EYS: variants seen among roughly 807,000 people sequenced by gnomAD.
EYS encodes protein eyes shut homolog.
In EYS, 250 loss-of-function variants were observed where a neutral mutation model predicts 282.1. The ratio of observed to expected loss-of-function variants is 0.89; its 90% CI spans 0.80 to 0.98. The LOEUF is 0.98. Ranked by LOEUF, EYS falls within the 50% of genes least tolerant of loss-of-function variation. The pLI is 0.00. For synonymous variants in EYS, 1,355 were observed against 1,282.9 expected (o/e 1.06, Z -1.20); for missense variants, 4,016 against 3,709.0 (o/e 1.08, Z -2.15).
intron 12 of EYS, among the ~76,000 whole-genome samples, chr6:65,058,839 C>A (rs776396310): frequency 7.9e-5 from 11 of 138,608 alleles, no homozygotes; most frequent in Non-Finnish European, 1.3e-4. Flanking sequence ...AATTTTCTTA[C>A]CAATTTATAA....
At chr6:65,604,847 T>TCCC (rs1562283148) in intron 2 of EYS, among the ~76,000 whole-genome samples, 25 of 148,616 alleles carry the variant, frequency 1.7e-4, no homozygotes, top group African/African-American at 5.9e-4. Flanking sequence ...GCCCCCTTTT[T>TCCC]TTTTTTTTTT....
intron 36 of EYS, among the ~76,000 whole-genome samples, chr6:63,834,556 G>A (rs1016585585): frequency 1.3e-5 from 2 of 151,100 alleles, no homozygotes; most frequent in East Asian, 3.9e-4. Flanking sequence ...GGAAACAACA[G>A]ATGCTGGAGA....
At chr6:63,760,614 T>G (rs1025584757) in intron 41 of EYS, among the ~76,000 whole-genome samples, 2 of 151,854 alleles carry the variant, frequency 1.3e-5, no homozygotes, top group Non-Finnish European at 2.9e-5. Context: ...CTCTGACTAT[T>G]CCAATATCTA....
intron 30 of EYS, among the ~76,000 whole-genome samples, chr6:64,286,945 G>A (rs1768525212): frequency 6.6e-6 from 1 of 151,792 alleles, no homozygotes; most frequent in African/African-American, 2.4e-5. Flanking sequence ...TAATATATCT[G>A]GTACAATAAT....
chr6:64,147,590 T>C (rs1261549241), intron 31 of EYS, among the ~76,000 whole-genome samples: 1 of 152,198 alleles, frequency 6.6e-6, no homozygotes, highest in Non-Finnish European at 1.5e-5. Flanking sequence ...CTAATGGCTA[T>C]GTTAGATAAT....
intron 22 of EYS, among the ~76,000 whole-genome samples, chr6:64,805,306 T>C (rs1764390939): frequency 6.6e-6 from 1 of 151,986 alleles, no homozygotes; most frequent in Admixed American, 6.6e-5. Context: ...GCAAACACTA[T>C]TTGTGTTTGA....
chr6:64,559,987 C>G (rs1452239854), intron 26 of EYS, among the ~76,000 whole-genome samples: 1 of 152,072 alleles, frequency 6.6e-6, no homozygotes. Context: ...ATCTAGCTCC[C>G]ACTTATAAGT....
At chr6:63,899,277 C>T (rs1210409830) in intron 35 of EYS, among the ~76,000 whole-genome samples, 1 of 152,090 alleles carries the variant, frequency 6.6e-6, no homozygotes, top group Non-Finnish European at 1.5e-5. Flanking sequence ...AAGTCTGTGG[C>T]TAGTTTTTTT....
At chr6:63,990,955 A>C (rs1198797237) in intron 34 of EYS, among the ~76,000 whole-genome samples, 2 of 151,620 alleles carry the variant, frequency 1.3e-5, no homozygotes, top group African/African-American at 2.4e-5. Flanking sequence ...GCTTTTCAGA[A>C]TGTTACAAGA....
intron 22 of EYS, among the ~76,000 whole-genome samples, chr6:64,704,834 C>T (rs370526795): frequency 6.6e-6 from 1 of 151,964 alleles, no homozygotes; most frequent in Admixed American, 6.6e-5. Flanking sequence ...AACTGTAATG[C>T]CATAAAACCA....
At position 65,330,559 on chromosome 6, in the gene EYS, C is replaced by A. The variant is rs1769758139; in HGVS notation, c.1766+4421G>T. 1.0e-5 allele frequency: 10 copies of A among 982,442 alleles called. No homozygotes were observed. The South Asian group carries it at 4.7e-4, about 46-fold the overall frequency. 60.9% of individuals were successfully genotyped at this position (982,442 alleles called of 1,614,324 possible). On this transcript the variant is annotated intron_variant, in intron 11 of 42. Transcript: ENST00000503581. Reference sequence around the variant, plus strand: ...GCAAAAAAATGTGGTAATATGCAGACCTGTTTGCAATACATCATTTATATA... The same window carrying A: ...GCAAAAAAATGTGGTAATATGCAGAACTGTTTGCAATACATCATTTATATA...
At chr6:65,129,014 A>G (rs1313551404) in intron 12 of EYS, among the ~76,000 whole-genome samples, 7 of 152,008 alleles carry the variant, frequency 4.6e-5, no homozygotes, top group Non-Finnish European at 1.5e-5. Context: ...TCATACAGCT[A>G]CAACCATTTC....
intron 14 of EYS, among the ~76,000 whole-genome samples, chr6:64,956,116 A>C (rs1769694397): frequency 1.3e-5 from 2 of 152,230 alleles, no homozygotes; most frequent in South Asian, 4.1e-4. Flanking sequence ...ATGAAACCAC[A>C]AAAGACCCAG....
chr6:63,847,069 A>C (rs1337559947), intron 36 of EYS, among the ~76,000 whole-genome samples: 2 of 152,200 alleles, frequency 1.3e-5, no homozygotes, highest in African/African-American at 4.8e-5. Context: ...ATATGTTTTG[A>C]GACATGAGTT....
intron 29 of EYS, among the ~76,000 whole-genome samples, chr6:64,329,144 G>A (rs965504194): frequency 6.6e-6 from 1 of 152,088 alleles, no homozygotes; most frequent in Non-Finnish European, 1.5e-5. Context: ...GCTGGAAAAA[G>A]GACTTTATGG....
chr6:64,823,473 C>T (rs1051298595), intron 19 of EYS, among the ~76,000 whole-genome samples: 2 of 151,564 alleles, frequency 1.3e-5, no homozygotes, highest in African/African-American at 4.8e-5. Context: ...TAATGGAAAG[C>T]AAGATTGTGT....
intron 22 of EYS, among the ~76,000 whole-genome samples, chr6:64,766,649 A>AAAT (rs1387919586): frequency 2.1e-4 from 4 of 19,050 alleles, no homozygotes; most frequent in African/African-American, 5.5e-4. Context: ...AAAAAAAAAA[A>AAAT]ATATATATAT....
chr6:63,918,114 C>T (rs1345194859), intron 35 of EYS, among the ~76,000 whole-genome samples: 4 of 152,128 alleles, frequency 2.6e-5, no homozygotes, highest in African/African-American at 9.7e-5. Flanking sequence ...ATATTGGCAA[C>T]TAAGTGCAAA....
chr6:65,493,249 C>T (rs1562220044), intron 4 of EYS, among the ~76,000 whole-genome samples: 1 of 152,294 alleles, frequency 6.6e-6, no homozygotes, highest in East Asian at 1.9e-4. Context: ...CCTCTTTAAA[C>T]TTGGCTCCAA....
Sources: gnomAD v4.1 joint callset for allele counts (sites outside exome capture counted in the v4.1 genomes callset) on GRCh38, gnomAD v4.1.1 for gene constraint, MANE v1.5 for transcripts, NCBI Gene and HGNC (gene_info 2026-07-23, HGNC 2026-07-21) for gene names.